PPM1D: variants seen among roughly 807,000 people sequenced by gnomAD.
The protein encoded by PPM1D is protein phosphatase, Mg2+/Mn2+ dependent 1D.
Under a neutral mutation model 58.3 loss-of-function variants are expected in PPM1D, and 52 were observed. The ratio of observed to expected loss-of-function variants is 0.89; its 90% CI spans 0.71 to 1.12. PPM1D has a LOEUF of 1.12. Ranked by LOEUF, PPM1D falls within the 50% of genes most tolerant of loss-of-function variation. The probability of loss-of-function intolerance (pLI) is 0.00; values close to 1 mark genes in which losing one functional copy is unlikely to be tolerated. For synonymous variants in PPM1D, 278 were observed against 285.1 expected (o/e 0.98, Z 0.25); for missense variants, 564 against 777.2 (o/e 0.73, Z 3.26).
At chr17:60,662,563 C>T (rs73990936) in intron 5 of PPM1D, 7,129 of 157,356 alleles carry the variant, frequency 0.045, 586 homozygotes, top group African/African-American at 0.16. Context: ...ACAGAGAATG[C>T]GATACTTTTG....
intron 4 of PPM1D, among the ~76,000 whole-genome samples, chr17:60,656,270 G>C (rs913818875): frequency 3.3e-5 from 5 of 150,690 alleles, no homozygotes; most frequent in Non-Finnish European, 5.9e-5. Context: ...TGGCTAACAT[G>C]GTGAAATCCC....
intron 3 of PPM1D, among the ~76,000 whole-genome samples, chr17:60,638,148 TCAA>T (rs1330754740): frequency 1.3e-5 from 2 of 152,186 alleles, no homozygotes; most frequent in Non-Finnish European, 2.9e-5. Flanking sequence ...TTACTTTACT[TCAA>T]CATAATTTTG....
At chr17:60,634,092 T>C (rs1165511453) in intron 3 of PPM1D, 115 bp downstream of exon 3, 5 of 1,226,830 alleles carry the variant, frequency 4.1e-6, no homozygotes, top group South Asian at 2.8e-5. Context: ...GGTAGAGATA[T>C]CATGATATTC....
chr17:60,663,619 A>C lies in PPM1D; in HGVS notation c.*67A>C. The C allele has an allele frequency of 6.7e-7, 1 of 1,494,756 alleles. No homozygotes were observed. Among genetic ancestry groups the C allele is most frequent in the Non-Finnish European group, 9.0e-7 (1 of 1,116,402 alleles). 92.6% of individuals were successfully genotyped at this position (1,494,756 alleles called of 1,614,324 possible). A position where few individuals can be genotyped will look rare whatever the true frequency, so the allele number is the denominator to read the frequency against. ...AGAGGGCTTTTTAAATTTGGTGCCG[A>C]TGTTGAACTTTTTTTAAGGGGAGAA... is the stretch of plus-strand genomic sequence containing the variant. On this transcript the variant is annotated 3_prime_UTR_variant, in exon 6 of 6. Coordinates refer to ENST00000305921, the MANE Select transcript of PPM1D (RefSeq NM_003620.4).
At chr17:60,610,006 C>A (rs2030421046) in intron 1 of PPM1D, among the ~76,000 whole-genome samples, 1 of 151,854 alleles carries the variant, frequency 6.6e-6, no homozygotes, top group African/African-American at 2.4e-5. Flanking sequence ...ATGGTGAAAC[C>A]CTGTCTCTAC....
In PPM1D at chr17:60,600,676, C is replaced by A. The variant is rs139928505; in HGVS notation, c.262C>A (p.Pro88Thr). 6 of 1,572,618 alleles carry A rather than the reference C, an allele frequency of 3.8e-6. No homozygotes were observed. Among genetic ancestry groups the A allele is most frequent in the Non-Finnish European group, 5.2e-6 (6 of 1,161,864 alleles). ...PLPDAGASPA[P>T]SRCCRRRSSV... ...CCCGGACGCCGGGGCCTCGCCGGCA[C>A]CTAGCCGCTGCTGCCGCCGCCGTTC... The change falls in exon 1 of 6, where the codon CCT becomes ACT. Residue 88 changes from proline (P) to threonine (T), a missense_variant. This residue lies in a region of PPM1D where 132 missense variants were observed against 150.4 expected (regional missense o/e 0.88). Coordinates refer to ENST00000305921, the MANE Select transcript of PPM1D (RefSeq NM_003620.4).
chr17:60,608,390 G>T (rs1023844257), intron 1 of PPM1D, among the ~76,000 whole-genome samples: 36 of 152,140 alleles, frequency 2.4e-4, no homozygotes, highest in African/African-American at 7.5e-4. Context: ...GGCCGGGCAT[G>T]GTGGCTCACG....
At chr17:60,636,740 C>T (rs1306590354) in intron 3 of PPM1D, among the ~76,000 whole-genome samples, 1 of 151,248 alleles carries the variant, frequency 6.6e-6, no homozygotes, top group African/African-American at 2.4e-5. Context: ...GTGCCCTAGG[C>T]TAGAGCTCAT....
intron 3 of PPM1D, among the ~76,000 whole-genome samples, chr17:60,643,306 G>T (rs1263705304): frequency 6.6e-6 from 1 of 152,088 alleles, no homozygotes; most frequent in Non-Finnish European, 1.5e-5. Context: ...GCTTGAGCCT[G>T]GGAGGCGCAG....
intron 3 of PPM1D, among the ~76,000 whole-genome samples, chr17:60,634,943 G>T (rs1354170792): frequency 6.6e-6 from 1 of 151,988 alleles, no homozygotes; most frequent in Non-Finnish European, 1.5e-5. Context: ...ACCACGCCTG[G>T]CTAATTTTTT....
chr17:60,609,978 A>C (rs960447120), intron 1 of PPM1D, among the ~76,000 whole-genome samples: 1 of 152,062 alleles, frequency 6.6e-6, no homozygotes, highest in South Asian at 2.1e-4. Flanking sequence ...TCAGGAGATC[A>C]AGACCATCCT....
chr17:60,639,962 C>T (rs113559862), intron 3 of PPM1D, among the ~76,000 whole-genome samples: 37 of 152,144 alleles, frequency 2.4e-4, no homozygotes, highest in Middle Eastern at 3.4e-3. Context: ...GTAGCTGGAA[C>T]GGATAAGGAA....
chr17:60,663,071 C>CA lies in PPM1D; in HGVS notation c.1338dup (p.Glu447ArgfsTer9), dbSNP rs1434829457. On this transcript the variant is annotated frameshift_variant, in exon 6 of 6. Coordinates refer to ENST00000305921, the MANE Select transcript of PPM1D (RefSeq NM_003620.4). LOFTEE classifies it high-confidence loss of function. ...GCCCTGGTTCGTAGCAATGCCTTCT[C>CA]AGAGAATTTTTTAGAGGTTTCAGCT... 1 of 1,614,144 alleles carries CA rather than the reference C, an allele frequency of 6.2e-7. No individual in the cohort carries two copies. Among genetic ancestry groups the CA allele is most frequent in the Non-Finnish European group, 8.5e-7 (1 of 1,180,006 alleles).
chr17:60,620,499 T>C (rs1249696923), intron 1 of PPM1D, among the ~76,000 whole-genome samples: 4 of 152,168 alleles, frequency 2.6e-5, no homozygotes, highest in Non-Finnish European at 2.9e-5. Flanking sequence ...CAACTGTTTT[T>C]TTCTGCTTTT....
chr17:60,620,566 A>G (rs1286166782), intron 1 of PPM1D, among the ~76,000 whole-genome samples: 1 of 151,374 alleles, frequency 6.6e-6, no homozygotes, highest in Non-Finnish European at 1.5e-5. Context: ...TCGCTGTACT[A>G]CACAGGCTGG....
At chr17:60,640,609 G>A (rs2143688334) in intron 3 of PPM1D, among the ~76,000 whole-genome samples, 1 of 152,278 alleles carries the variant, frequency 6.6e-6, no homozygotes, top group South Asian at 2.1e-4. Context: ...GCATGGTGCT[G>A]AGGTTTGGGG....
In PPM1D at chr17:60,656,802, T is replaced by A. The variant is rs189669693; in HGVS notation, c.1221T>A (p.Cys407Ter). 1.9e-6 allele frequency: 3 copies of A among 1,614,048 alleles called. No individual in the cohort carries two copies. The highest frequency in any genetic ancestry group is 2.5e-6 in the Non-Finnish European group (3 of 1,179,982). ...CTTCCTATAATAGTCAAGAAACCTGTGTGATGACTCCTTCCCCATGTTCTA... is the reference window on the plus strand; with the variant it reads ...CTTCCTATAATAGTCAAGAAACCTGAGTGATGACTCCTTCCCCATGTTCTA... ...DSPSYNSQET[C>*]VMTPSPCSTP... The change falls in exon 5 of 6, where the codon TGT becomes TGA. Residue 407 changes from cysteine (C) to a stop codon, truncating the protein, a stop_gained. Transcript: ENST00000305921. LOFTEE classifies it high-confidence loss of function.
intron 3 of PPM1D, among the ~76,000 whole-genome samples, chr17:60,638,918 G>A (rs1381440355): frequency 6.6e-6 from 1 of 152,012 alleles, no homozygotes; most frequent in African/African-American, 2.4e-5. Context: ...TGTAGCAAAG[G>A]TGCCCTCTAG....
intron 1 of PPM1D, among the ~76,000 whole-genome samples, chr17:60,619,033 C>T (rs182077577): frequency 3.3e-5 from 5 of 152,306 alleles, no homozygotes; most frequent in African/African-American, 9.6e-5. Flanking sequence ...TGACCAACAT[C>T]TCCCCACTTC....
Sources: allele counts gnomAD v4.1 joint callset (sites outside exome capture counted in the v4.1 genomes callset), GRCh38; gene constraint gnomAD v4.1.1; regional missense constraint gnomAD v4.1.1; transcripts MANE v1.5; gene names NCBI Gene and HGNC (gene_info 2026-07-23, HGNC 2026-07-21).